The following DDAH1 variants were observed in gnomAD, a reference collection of about 807,000 sequenced individuals.
DDAH1 encodes dimethylarginine dimethylaminohydrolase 1.
In DDAH1, 19 loss-of-function variants were observed where a neutral mutation model predicts 28.8. The observed-to-expected ratio is 0.66, with a 90% CI of 0.46 to 0.97. The LOEUF is 0.97. Ranked by LOEUF, DDAH1 falls within the 50% of genes least tolerant of loss-of-function variation. The pLI, the probability that DDAH1 is intolerant of heterozygous loss-of-function variation, is 0.00. For missense variants in DDAH1, 326 were observed against 375.9 expected, an observed-to-expected ratio of 0.87 and a Z score of 1.10; for synonymous variants, 153 against 154.4, an observed-to-expected ratio of 0.99 and a Z score of 0.07.
chr1:85,437,049 A>G (rs1653974524), intron 1 of DDAH1, among the ~76,000 whole-genome samples: 1 of 152,080 alleles, frequency 6.6e-6, no homozygotes, highest in Admixed American at 6.5e-5. Flanking sequence ...CTGTGATGGA[A>G]GTGATGCTGA....
chr1:85,514,455 A>G (rs1423817718), intron 1 of DDAH1, among the ~76,000 whole-genome samples: 1 of 151,758 alleles, frequency 6.6e-6, no homozygotes, highest in Non-Finnish European at 1.5e-5. Context: ...GGTGCAGCAA[A>G]CCAACATGGC....
At chr1:85,546,024 C>T (rs1040261684) in intron 1 of DDAH1, among the ~76,000 whole-genome samples, 1 of 151,740 alleles carries the variant, frequency 6.6e-6, no homozygotes, top group East Asian at 1.9e-4. Flanking sequence ...CAAACTTCTG[C>T]GGTGGTTGTG....
chr1:85,437,660 G>T (rs1654003153), intron 1 of DDAH1, among the ~76,000 whole-genome samples: 1 of 152,092 alleles, frequency 6.6e-6, no homozygotes, highest in Non-Finnish European at 1.5e-5. Context: ...GCAACAGTAG[G>T]CTATTTGTAG....
chr1:85,466,273 G>A (rs185438821), upstream of DDAH1, among the ~76,000 whole-genome samples: 2 of 152,228 alleles, frequency 1.3e-5, no homozygotes, highest in African/African-American at 4.8e-5. Context: ...TTGTTTTGAC[G>A]GAGTTTCACT....
At chr1:85,500,842 C>T (rs1406416546) in intron 1 of DDAH1, among the ~76,000 whole-genome samples, 1 of 151,106 alleles carries the variant, frequency 6.6e-6, no homozygotes, top group Admixed American at 6.6e-5. Context: ...TCTATGGAAT[C>T]TATTTTGCTG....
In DDAH1 at chr1:85,321,509, C is replaced by T; in HGVS notation, c.801G>A (p.Lys267=). Residue 267 remains lysine (K), a synonymous_variant, in exon 6 of 6, where the codon AAG becomes AAA. Coordinates refer to ENST00000284031, the MANE Select transcript of DDAH1 (RefSeq NM_012137.4). ...AGCAGCAGGTGAGCAGCCCATCCAC[C>T]TTTTCCAGTTCAGACATGCTCACGG... The part of the protein sequence containing the change: ...LIPVSMSELE[K]VDGLLTCCSV... 6.2e-7 allele frequency: 1 copy of T among 1,614,164 alleles called. No individual in the cohort carries two copies. The highest frequency in any genetic ancestry group is 8.5e-7 in the Non-Finnish European group (1 of 1,180,006).
At chr1:85,561,884 C>T (rs531349320) in intron 1 of DDAH1, among the ~76,000 whole-genome samples, 9 of 152,262 alleles carry the variant, frequency 5.9e-5, no homozygotes, top group African/African-American at 9.6e-5. Context: ...TACTAGCTCA[C>T]GGAACTAAAC....
At chr1:85,453,002 T>C (rs1393394540) in intron 1 of DDAH1, among the ~76,000 whole-genome samples, 2 of 152,214 alleles carry the variant, frequency 1.3e-5, no homozygotes, top group Non-Finnish European at 2.9e-5. Context: ...TGTGTGTGTA[T>C]GTTATAAAAA....
At chr1:85,542,853 G>A (rs12734233) in intron 1 of DDAH1, among the ~76,000 whole-genome samples, 25,213 of 152,108 alleles carry the variant, frequency 0.17, 2,757 homozygotes, top group African/African-American at 0.3. Flanking sequence ...ATGTTGGTTG[G>A]CTAACACTGG....
intron 1 of DDAH1, among the ~76,000 whole-genome samples, chr1:85,365,666 G>A (rs1650034782): frequency 6.6e-6 from 1 of 150,728 alleles, no homozygotes; most frequent in Non-Finnish European, 1.5e-5. Flanking sequence ...GATGAATTTA[G>A]AGAGATGAGA....
At chr1:85,403,208 T>C (rs1652234715) in intron 1 of DDAH1, among the ~76,000 whole-genome samples, 2 of 143,518 alleles carry the variant, frequency 1.4e-5, no homozygotes, top group South Asian at 4.4e-4. Context: ...TGAATATATA[T>C]ATGAATATGT....
chr1:85,468,089 G>A (rs773087918), upstream of DDAH1, among the ~76,000 whole-genome samples: 1 of 152,130 alleles, frequency 6.6e-6, no homozygotes, highest in Non-Finnish European at 1.5e-5. Flanking sequence ...TAAGGGAAAG[G>A]CATTTTCAAA....
intron 4 of DDAH1, among the ~76,000 whole-genome samples, chr1:85,337,214 C>T (rs796787234): frequency 9.2e-5 from 14 of 152,202 alleles, no homozygotes; most frequent in African/African-American, 3.4e-4. Context: ...TGTTATTTTG[C>T]TGTACTTAGG....
At chr1:85,398,959 T>C (rs575394739) in intron 1 of DDAH1, 1 of 152,360 alleles carries the variant, frequency 6.6e-6, no homozygotes, top group South Asian at 2.1e-4. Context: ...ATTGTACTAG[T>C]GATCTCTTTT....
intron 1 of DDAH1, among the ~76,000 whole-genome samples, chr1:85,503,010 C>T (rs544173784): frequency 4.6e-5 from 7 of 152,124 alleles, no homozygotes; most frequent in Middle Eastern, 3.4e-3. Context: ...TCATTGAACA[C>T]GGACTCAGTA....
chr1:85,353,658 A>G (rs549581804), intron 2 of DDAH1, among the ~76,000 whole-genome samples: 1 of 152,288 alleles, frequency 6.6e-6, no homozygotes, highest in Non-Finnish European at 1.5e-5. Context: ...CAATGAAAAA[A>G]TACCAAGTTT....
intron 1 of DDAH1, among the ~76,000 whole-genome samples, chr1:85,443,895 C>G (rs943578992): frequency 6.6e-6 from 1 of 152,166 alleles, no homozygotes; most frequent in Admixed American, 6.5e-5. Context: ...AGTTGCCTAT[C>G]AGCTTAAGGA....
chr1:85,568,739 A>ATT (rs2100561740), intron 1 of DDAH1, among the ~76,000 whole-genome samples: 1 of 152,324 alleles, frequency 6.6e-6, no homozygotes, highest in Admixed American at 6.5e-5. Context: ...TCCAAAGCAT[A>ATT]ATAAATTATA....
At chr1:85,369,105 G>C (rs979288211) in intron 1 of DDAH1, among the ~76,000 whole-genome samples, 1 of 142,586 alleles carries the variant, frequency 7.0e-6, no homozygotes, top group Non-Finnish European at 1.5e-5. Flanking sequence ...CTGTCCTCCA[G>C]GCTGGAGTGC....
Sources: gnomAD v4.1 joint callset for allele counts (sites outside exome capture counted in the v4.1 genomes callset) on GRCh38, gnomAD v4.1.1 for gene constraint, MANE v1.5 for transcripts, NCBI Gene and HGNC (gene_info 2026-07-23, HGNC 2026-07-21) for gene names.